ACAT1: variants seen among roughly 807,000 people sequenced by gnomAD.
ACAT1 encodes acetyl-CoA acetyltransferase 1.
A neutral mutation model predicts 47.3 loss-of-function variants in ACAT1; 28 were observed. The ratio of observed to expected loss-of-function variants is 0.59; its 90% confidence interval spans 0.44 to 0.81. The LOEUF (loss-of-function observed/expected upper bound fraction) is 0.81, where lower values mean the gene tolerates loss of function less well. ACAT1 is among the 30% of genes least tolerant of loss of function. The probability of loss-of-function intolerance (pLI) is 0.00; values close to 1 mark genes in which losing one functional copy is unlikely to be tolerated. For missense variants in ACAT1, 469 were observed against 524.3 expected (o/e 0.89, Z 1.03); for synonymous variants, 181 against 173.6 (o/e 1.04, Z -0.34).
intron 9 of ACAT1, 120 bp from the exon 10 acceptor site, chr11:108,143,863 T>C: frequency 9.5e-7 from 1 of 1,048,520 alleles, no homozygotes; most frequent in Non-Finnish European, 1.4e-6. Flanking sequence ...AAGACATATA[T>C]TTACATATAT....
chr11:108,144,901 T>A (rs2134784725), intron 10 of ACAT1, among the ~76,000 whole-genome samples: 1 of 152,324 alleles, frequency 6.6e-6, no homozygotes, highest in Non-Finnish European at 1.5e-5. Context: ...GAATAACTTC[T>A]GAGAGCTACA....
intron 1 of ACAT1, among the ~76,000 whole-genome samples, chr11:108,122,935 T>TC (rs2077178545): frequency 6.6e-6 from 1 of 152,186 alleles, no homozygotes; most frequent in African/African-American, 2.4e-5. Context: ...ATTAAGATCT[T>TC]ACAATCAGGT....
chr11:108,119,140 A>G (rs973899508), upstream of ACAT1, among the ~76,000 whole-genome samples: 2 of 152,218 alleles, frequency 1.3e-5, no homozygotes, highest in Admixed American at 1.3e-4. Context: ...GAGAATTAAA[A>G]TTAAACTGTA....
chr11:108,139,705 G>A (rs2077548344), intron 6 of ACAT1, among the ~76,000 whole-genome samples: 2 of 152,088 alleles, frequency 1.3e-5, no homozygotes, highest in African/African-American at 4.8e-5. Flanking sequence ...CTGTTGCCCA[G>A]GCTGGAGTGC....
chr11:108,122,146 T>C (rs941159243), intron 1 of ACAT1, among the ~76,000 whole-genome samples: 2 of 152,242 alleles, frequency 1.3e-5, no homozygotes, highest in African/African-American at 4.8e-5. Context: ...GAGGGCACCA[T>C]GTGATCATAA....
At chr11:108,139,544 A>T (rs1156758732) in intron 6 of ACAT1, among the ~76,000 whole-genome samples, 1 of 151,910 alleles carries the variant, frequency 6.6e-6, no homozygotes, top group African/African-American at 2.4e-5. Flanking sequence ...TTGAGCCAAG[A>T]TTGCACCACT....
intron 8 of ACAT1, 105 bp downstream of exon 8, chr11:108,141,805 G>A: frequency 1.3e-6 from 1 of 763,128 alleles, no homozygotes; most frequent in Non-Finnish European, 2.2e-6. Flanking sequence ...ACATCTAGAT[G>A]TTATTTAACA....
At chr11:108,120,006 C>A (rs61214973), upstream of ACAT1, among the ~76,000 whole-genome samples, 25,030 of 152,004 alleles carry the variant, frequency 0.16, 2,140 homozygotes, top group African/African-American at 0.19. Context: ...TGCGTGAGCT[C>A]AGGAGTTTGA....
chr11:108,145,478 G>A (rs2077685607), intron 10 of ACAT1, among the ~76,000 whole-genome samples: 1 of 151,930 alleles, frequency 6.6e-6, no homozygotes, highest in Non-Finnish European at 1.5e-5. Context: ...GGCTGCAGTG[G>A]GCCATGACTG....
chr11:108,121,527 G>C, upstream of ACAT1: 2 of 1,454,602 alleles, frequency 1.4e-6, no homozygotes, highest in Admixed American at 3.9e-5. Context: ...CGGTGCCCGC[G>C]CCGGGCCGCT....
chr11:108,120,380 T>C (rs115474350), upstream of ACAT1, among the ~76,000 whole-genome samples: 699 of 152,030 alleles, frequency 4.6e-3, 7 homozygotes, highest in African/African-American at 0.016. Context: ...ATGCCTGTAG[T>C]CCTAGCTACG....
intron 1 of ACAT1, among the ~76,000 whole-genome samples, chr11:108,130,924 A>AT (rs1278278547): frequency 6.6e-6 from 1 of 151,940 alleles, no homozygotes. Context: ...TAATTTTTGT[A>AT]TTTTTAGTAG....
intron 7 of ACAT1, 133 bp from the exon 8 acceptor site, chr11:108,141,472 G>A: frequency 1.5e-6 from 1 of 660,840 alleles, no homozygotes; most frequent in Middle Eastern, 2.5e-4. Flanking sequence ...TTCTAGATGA[G>A]TGTTTACTTG....
At chr11:108,135,530 G>GAA (rs34242002) in intron 5 of ACAT1, among the ~76,000 whole-genome samples, 7 of 140,564 alleles carry the variant, frequency 5.0e-5, no homozygotes, top group African/African-American at 1.6e-4. Flanking sequence ...TCTGCTCTTT[G>GAA]AAAAAAAAAA....
chr11:108,135,356 A>AC, intron 5 of ACAT1, 114 bp downstream of exon 5: 2 of 799,946 alleles, frequency 2.5e-6, no homozygotes, highest in Non-Finnish European at 2.1e-6. Context: ...ATAAGTTAGT[A>AC]TGTTTTCTCA....
intron 10 of ACAT1, among the ~76,000 whole-genome samples, chr11:108,144,632 T>A (rs189505900): frequency 3.3e-5 from 5 of 152,094 alleles, no homozygotes; most frequent in Admixed American, 2.6e-4. Flanking sequence ...TAAACTTCTG[T>A]AAGCACCCAG....
chr11:108,138,614 C>G, intron 5 of ACAT1: 1 of 395,578 alleles, frequency 2.5e-6, no homozygotes, highest in African/African-American at 2.1e-5. Context: ...CCAGGCGGAT[C>G]CAGAACTCCT....
chr11:108,135,991 G>A, intron 5 of ACAT1: 1 of 513,332 alleles, frequency 1.9e-6, no homozygotes, highest in East Asian at 3.2e-5. Context: ...CAGGCTTGAT[G>A]ACTAATTTGT....
upstream of ACAT1, chr11:108,121,411 TTTCCTGGCCCAGGCTGCG>T (rs1453733714): frequency 3.1e-6 from 2 of 648,194 alleles, no homozygotes; most frequent in Non-Finnish European, 5.4e-6. Context: ...CTCGTCAACC[TTTCCTGGCCCAGGCTGCG>T]GTGTCCCAGC....
Sources: allele counts gnomAD v4.1 joint callset (sites outside exome capture counted in the v4.1 genomes callset), GRCh38; gene constraint gnomAD v4.1.1; transcripts MANE v1.5; gene names NCBI Gene and HGNC (gene_info 2026-07-23, HGNC 2026-07-21).